The following PCDH15 variants were observed in gnomAD, a reference collection of about 807,000 sequenced individuals.
PCDH15 encodes protocadherin-15.
Under a neutral mutation model 178.5 loss-of-function variants are expected in PCDH15, and 129 were observed. That is an observed-to-expected ratio of 0.72 (90% confidence interval 0.63 to 0.84). The LOEUF (loss-of-function observed/expected upper bound fraction) is 0.84. Ranked by LOEUF, PCDH15 falls within the 40% of genes least tolerant of loss-of-function variation. The pLI is 0.00. For synonymous variants in PCDH15, 800 were observed against 732.0 expected, an observed-to-expected ratio of 1.09 and a Z score of -1.50; for missense variants, 2,230 against 2,099.9, an observed-to-expected ratio of 1.06 and a Z score of -1.21.
At chr10:54,203,555 T>C (rs16905760) in intron 10 of PCDH15, among the ~76,000 whole-genome samples, 8,161 of 152,194 alleles carry the variant, frequency 0.054, 299 homozygotes, top group Admixed American at 0.1. Context: ...CAAACGCATA[T>C]AGAATGTACC....
At chr10:54,782,290 C>T (rs1213377966) in intron 1 of PCDH15, among the ~76,000 whole-genome samples, 2 of 152,062 alleles carry the variant, frequency 1.3e-5, no homozygotes, top group Non-Finnish European at 1.5e-5. Flanking sequence ...AGTTCTGACT[C>T]CATAATTTAC....
intron 13 of PCDH15, among the ~76,000 whole-genome samples, chr10:54,157,311 T>C (rs1380125461): frequency 1.3e-5 from 2 of 152,226 alleles, no homozygotes; most frequent in Non-Finnish European, 2.9e-5. Context: ...CTCTGAAATC[T>C]AGGCAGAGGT....
At chr10:54,467,405 A>G (rs1255607939) in intron 3 of PCDH15, among the ~76,000 whole-genome samples, 1 of 151,892 alleles carries the variant, frequency 6.6e-6, no homozygotes, top group Non-Finnish European at 1.5e-5. Context: ...TATTAAGATG[A>G]TGATAAGATT....
At chr10:54,093,269 G>T (rs1215047263) in intron 15 of PCDH15, among the ~76,000 whole-genome samples, 4 of 152,108 alleles carry the variant, frequency 2.6e-5, no homozygotes, top group Admixed American at 6.6e-5. Context: ...GGATTTAAAA[G>T]AAAATTCTTA....
chr10:55,154,028 A>G (rs1838810582), intron 2 of PCDH15, among the ~76,000 whole-genome samples: 1 of 152,196 alleles, frequency 6.6e-6, no homozygotes, highest in African/African-American at 2.4e-5. Context: ...AGAGTGAGAA[A>G]TTACCATGTA....
chr10:55,323,718 A>G (rs1843961541), upstream of PCDH15, among the ~76,000 whole-genome samples: 1 of 152,190 alleles, frequency 6.6e-6, no homozygotes, highest in Non-Finnish European at 1.5e-5. Flanking sequence ...TTTTGATTTT[A>G]CAGGCTCATA....
chr10:55,347,573 A>G (rs1239229448), intron 2 of PCDH15, among the ~76,000 whole-genome samples: 1 of 152,170 alleles, frequency 6.6e-6, no homozygotes, highest in Non-Finnish European at 1.5e-5. Context: ...TACTTCAGCA[A>G]TAGGAGGCAG....
At chr10:54,307,094 GTGTGTGTGTGTATATATATATATATATA>G (rs2060572773) in intron 8 of PCDH15, among the ~76,000 whole-genome samples, 1 of 8,180 alleles carries the variant, frequency 1.2e-4, no homozygotes, top group African/African-American at 5.0e-4. Flanking sequence ...ATATATATAT[GTGTGTGTGTGTATATATATATATATATA>G]TATATATATA....
At chr10:54,350,789 G>A (rs10825308) in intron 5 of PCDH15, among the ~76,000 whole-genome samples, 48,459 of 151,916 alleles carry the variant, frequency 0.32, 8,557 homozygotes, top group Non-Finnish European at 0.41. Context: ...GAGTTTAAGA[G>A]TTTGAGAGTA....
At chr10:55,402,228 G>A (rs1277729880) in intron 2 of PCDH15, among the ~76,000 whole-genome samples, 9 of 152,038 alleles carry the variant, frequency 5.9e-5, no homozygotes, top group Non-Finnish European at 1.2e-4. Flanking sequence ...TTTATTCAAT[G>A]AGATTTGTTT....
intron 18 of PCDH15, among the ~76,000 whole-genome samples, chr10:54,036,282 T>C (rs1184753638): frequency 6.6e-6 from 1 of 151,950 alleles, no homozygotes; most frequent in African/African-American, 2.4e-5. Flanking sequence ...TATTAGAATA[T>C]GCCATCTAGA....
intron 2 of PCDH15, among the ~76,000 whole-genome samples, chr10:55,509,233 T>TG: frequency 6.6e-6 from 1 of 151,784 alleles, no homozygotes; most frequent in Non-Finnish European, 1.5e-5. Flanking sequence ...TTTTAGGATA[T>TG]AGTAAATAGT....
intron 3 of PCDH15, among the ~76,000 whole-genome samples, chr10:54,867,202 T>C (rs1424079915): frequency 6.6e-6 from 1 of 152,156 alleles, no homozygotes; most frequent in Non-Finnish European, 1.5e-5. Context: ...ATAAACAGTG[T>C]GCTTTCAGAG....
intron 2 of PCDH15, among the ~76,000 whole-genome samples, chr10:55,607,989 T>C (rs1417065770): frequency 6.6e-6 from 1 of 151,466 alleles, no homozygotes; most frequent in Non-Finnish European, 1.5e-5. Flanking sequence ...ATAATTTGAG[T>C]CATTTATAAA....
intron 3 of PCDH15, among the ~76,000 whole-genome samples, chr10:54,390,876 C>T (rs1240743656): frequency 6.6e-6 from 1 of 152,074 alleles, no homozygotes; most frequent in Non-Finnish European, 1.5e-5. Context: ...TATCATTTTC[C>T]CATCTCATGT....
At chr10:55,509,904 C>A (rs1182826829) in intron 2 of PCDH15, among the ~76,000 whole-genome samples, 1 of 151,808 alleles carries the variant, frequency 6.6e-6, no homozygotes, top group Non-Finnish European at 1.5e-5. Flanking sequence ...GACAATCTAA[C>A]CGTTTTATTC....
Position 54,926,978 on chromosome 10 carries a change from A to G in PCDH15, c.-79-29478T>C, listed in dbSNP as rs114891018. 8.2e-3 allele frequency among the ~76,000 whole-genome samples: 1,237 copies of G among 151,452 alleles called. 13 individuals carry two copies. The highest frequency in any genetic ancestry group is 0.029 in the African/African-American group (1,181 of 41,302). ...CTTCAGTTCAGTTCCAATTTTGGTA[A>G]TTTCTTGTCCTTAGCTTTGCAGTTT... On this transcript the variant is annotated intron_variant, in intron 2 of 5. Coordinates refer to the PCDH15 transcript ENST00000458638.
chr10:54,471,508 G>A (rs1486343554), intron 3 of PCDH15, among the ~76,000 whole-genome samples: 1 of 152,030 alleles, frequency 6.6e-6, no homozygotes, highest in Non-Finnish European at 1.5e-5. Context: ...TCTGTTTTAT[G>A]TGAGCAGCTA....
At chr10:55,626,365 A>G (rs539641810) in intron 2 of PCDH15, among the ~76,000 whole-genome samples, 1 of 152,262 alleles carries the variant, frequency 6.6e-6, no homozygotes, top group Admixed American at 6.5e-5. Flanking sequence ...CGCATGTGTG[A>G]AAAAGTGGAT....
Sources: gnomAD v4.1 joint callset for allele counts (sites outside exome capture counted in the v4.1 genomes callset) on GRCh38, gnomAD v4.1.1 for gene constraint, MANE v1.5 for transcripts, NCBI Gene and HGNC (gene_info 2026-07-23, HGNC 2026-07-21) for gene names.